DNAI4: variants seen among roughly 807,000 people sequenced by gnomAD.
DNAI4 encodes WD repeat domain 78.
DNAI4 carries 85 observed loss-of-function variants against 105.8 expected under a neutral mutation model. That is an observed-to-expected ratio of 0.80 (90% CI 0.67 to 0.96). The LOEUF (loss-of-function observed/expected upper bound fraction) is 0.96. Ranked by LOEUF, DNAI4 falls within the 40% of genes least tolerant of loss-of-function variation. The probability of loss-of-function intolerance (pLI) is 0.00; values close to 1 mark genes in which losing one functional copy is unlikely to be tolerated. For missense variants in DNAI4, 1,014 were observed against 1,005.6 expected, an observed-to-expected ratio of 1.01 and a Z score of -0.11; for synonymous variants, 352 against 331.5, an observed-to-expected ratio of 1.06 and a Z score of -0.67.
intron 7 of DNAI4, among the ~76,000 whole-genome samples, chr1:66,858,035 T>C (rs963606326): frequency 6.6e-6 from 1 of 152,104 alleles, no homozygotes; most frequent in South Asian, 2.1e-4. Context: ...CCTTCCAAAA[T>C]AGAAAGCATC....
At chr1:66,858,868 C>A (rs1295571075) in intron 7 of DNAI4, among the ~76,000 whole-genome samples, 1 of 152,034 alleles carries the variant, frequency 6.6e-6, no homozygotes, top group African/African-American at 2.4e-5. Flanking sequence ...TGGTGAGAAA[C>A]TGAAAACTTT....
intron 4 of DNAI4, among the ~76,000 whole-genome samples, chr1:66,882,611 T>G (rs1421980122): frequency 6.6e-6 from 1 of 152,192 alleles, no homozygotes; most frequent in Non-Finnish European, 1.5e-5. Flanking sequence ...TTTGTATTTT[T>G]GTAAAAAATC....
chr1:66,863,418 T>A (rs1199398988), intron 6 of DNAI4, among the ~76,000 whole-genome samples: 1 of 152,190 alleles, frequency 6.6e-6, no homozygotes, highest in Non-Finnish European at 1.5e-5. Flanking sequence ...ATGTTTTCAA[T>A]CGGTAATAAT....
intron 2 of DNAI4, chr1:66,904,921 T>C (rs1200893338): frequency 8.1e-6 from 3 of 369,720 alleles, no homozygotes; most frequent in Non-Finnish European, 1.4e-5. Context: ...CAGTGAAAGA[T>C]AGTTGTAATG....
chr1:66,879,641 C>T (rs773074143), intron 4 of DNAI4, among the ~76,000 whole-genome samples: 5 of 152,184 alleles, frequency 3.3e-5, no homozygotes, highest in Non-Finnish European at 5.9e-5. Flanking sequence ...CATTGTGCAT[C>T]CCCACCAGCA....
In DNAI4 at chr1:66,882,933, CATTT is replaced by C. The variant is rs929111774; in HGVS notation, c.644-8000_644-7997del. On this transcript the variant is annotated intron_variant, in intron 4 of 16. Transcript: ENST00000371026. The stretch of plus-strand genomic sequence containing the variant: ...TGTTCCAATGCATGCATATGAAATT[CATTT>C]ATTTATTTTTTTTTACTTCTTTCTT... Among the ~76,000 whole-genome samples the C allele has an allele frequency of 6.6e-5, 10 of 151,894 alleles. No homozygotes were observed. In the East Asian group the frequency reaches 1.4e-3, roughly 21 times the overall value.
chr1:66,901,142 C>T (rs1052620082), intron 2 of DNAI4, among the ~76,000 whole-genome samples: 7 of 152,016 alleles, frequency 4.6e-5, no homozygotes, highest in African/African-American at 1.7e-4. Flanking sequence ...TTTAAAGAAC[C>T]AGCTTTTGTT....
intron 16 of DNAI4, among the ~76,000 whole-genome samples, chr1:66,817,679 A>G (rs577367817): frequency 3.9e-4 from 59 of 152,254 alleles, no homozygotes; most frequent in Non-Finnish European, 8.1e-4. Context: ...GTAATAATTT[A>G]GAATTTAATG....
chr1:66,865,306 C>G (rs940846224), intron 6 of DNAI4, among the ~76,000 whole-genome samples: 20 of 152,164 alleles, frequency 1.3e-4, no homozygotes, highest in African/African-American at 4.6e-4. Flanking sequence ...TGCCTGTAAT[C>G]GCAGCTACTT....
intron 13 of DNAI4, among the ~76,000 whole-genome samples, chr1:66,828,765 T>C (rs77074766): frequency 6.6e-6 from 1 of 152,134 alleles, no homozygotes; most frequent in Non-Finnish European, 1.5e-5. Context: ...TTCTGTTATA[T>C]TTAGCATTTT....
At chr1:66,914,502 A>G (rs1018233500) in intron 1 of DNAI4, among the ~76,000 whole-genome samples, 1 of 152,224 alleles carries the variant, frequency 6.6e-6, no homozygotes, top group Non-Finnish European at 1.5e-5. Flanking sequence ...TATAATTTCT[A>G]CAATTTTATG....
intron 8 of DNAI4, among the ~76,000 whole-genome samples, chr1:66,843,084 T>C (rs1161433524): frequency 6.6e-6 from 1 of 151,116 alleles, no homozygotes; most frequent in Non-Finnish European, 1.5e-5. Context: ...CCTGTGGTCT[T>C]AGCTACCCGG....
intron 4 of DNAI4, among the ~76,000 whole-genome samples, chr1:66,887,715 T>C (rs2100743503): frequency 6.6e-6 from 1 of 152,298 alleles, no homozygotes; most frequent in East Asian, 1.9e-4. Flanking sequence ...GGCTCACACC[T>C]GCAATCCCAG....
chr1:66,883,128 A>T (rs1251710282), intron 4 of DNAI4, among the ~76,000 whole-genome samples: 1 of 146,316 alleles, frequency 6.8e-6, no homozygotes, highest in Non-Finnish European at 1.5e-5. Flanking sequence ...TTGACCTTGT[A>T]TCCTGCAGTG....
chr1:66,881,062 C>G (rs1471709576), intron 4 of DNAI4, among the ~76,000 whole-genome samples: 1 of 152,202 alleles, frequency 6.6e-6, no homozygotes, highest in Non-Finnish European at 1.5e-5. Flanking sequence ...TGTGAGTGCA[C>G]AGATGTCAAG....
chr1:66,913,746 G>A (rs1649835876), intron 1 of DNAI4, among the ~76,000 whole-genome samples: 1 of 152,088 alleles, frequency 6.6e-6, no homozygotes, highest in Non-Finnish European at 1.5e-5. Flanking sequence ...ACTTTGGGAG[G>A]CCGAGGCGGG....
intron 15 of DNAI4, among the ~76,000 whole-genome samples, chr1:66,823,610 G>A (rs1484583951): frequency 6.7e-6 from 1 of 149,300 alleles, no homozygotes; most frequent in Admixed American, 6.7e-5. Flanking sequence ...TCTAACTGGT[G>A]TGAGATGGTA....
intron 10 of DNAI4, among the ~76,000 whole-genome samples, chr1:66,836,397 G>T (rs1646027935): frequency 6.6e-6 from 1 of 151,788 alleles, no homozygotes; most frequent in Admixed American, 6.6e-5. Context: ...ATTATATTTT[G>T]GTAATCTTTC....
chr1:66,887,913 C>G (rs956375749), intron 4 of DNAI4, among the ~76,000 whole-genome samples: 2 of 151,882 alleles, frequency 1.3e-5, no homozygotes, highest in Admixed American at 1.3e-4. Context: ...GAGCCGAGAT[C>G]GCACCACTGC....
Sources: allele counts gnomAD v4.1 joint callset (sites outside exome capture counted in the v4.1 genomes callset), GRCh38; gene constraint gnomAD v4.1.1; transcripts MANE v1.5; gene names NCBI Gene and HGNC (gene_info 2026-07-23, HGNC 2026-07-21).